NCKAP5: variants seen among roughly 807,000 people sequenced by gnomAD.
The protein encoded by NCKAP5 is nck-associated protein 5.
Under a neutral mutation model 167.0 loss-of-function variants are expected in NCKAP5, and 92 were observed. That is an observed-to-expected ratio of 0.55 (90% CI 0.47 to 0.66). The LOEUF is 0.66. NCKAP5 is among the 30% of genes least tolerant of loss of function. The pLI is 0.00. For missense variants in NCKAP5, 2,378 were observed against 2,315.0 expected (o/e 1.03, Z -0.56); for synonymous variants, 891 against 877.4 (o/e 1.02, Z -0.27).
chr2:133,244,894 T>C (rs2087899306), intron 4 of NCKAP5, among the ~76,000 whole-genome samples: 1 of 152,210 alleles, frequency 6.6e-6, no homozygotes, highest in South Asian at 2.1e-4. Flanking sequence ...CATATCTTGA[T>C]GACTTTGGAA....
chr2:132,679,313 A>T (rs1306480273), intron 19 of NCKAP5, among the ~76,000 whole-genome samples: 1 of 152,174 alleles, frequency 6.6e-6, no homozygotes, highest in Non-Finnish European at 1.5e-5. Flanking sequence ...AGGAAGAGCA[A>T]GAAGTTCCCT....
chr2:132,747,177 A>C (rs915377320), intron 16 of NCKAP5, among the ~76,000 whole-genome samples: 1 of 151,970 alleles, frequency 6.6e-6, no homozygotes, highest in Admixed American at 6.6e-5. Context: ...CTGCCAAAAA[A>C]AAAAAACAAA....
At chr2:133,162,999 A>T (rs2083859744) in intron 5 of NCKAP5, among the ~76,000 whole-genome samples, 1 of 152,206 alleles carries the variant, frequency 6.6e-6, no homozygotes, top group African/African-American at 2.4e-5. Flanking sequence ...TATAAAAGAG[A>T]ACTGCCCAAG....
chr2:133,058,182 A>C (rs527909746), intron 6 of NCKAP5, among the ~76,000 whole-genome samples: 1 of 152,350 alleles, frequency 6.6e-6, no homozygotes, highest in South Asian at 2.1e-4. Flanking sequence ...TAGGTCACCC[A>C]AGAGCCCTGA....
chr2:133,060,998 C>T (rs763491954), intron 6 of NCKAP5, among the ~76,000 whole-genome samples: 1 of 151,758 alleles, frequency 6.6e-6, no homozygotes, highest in Non-Finnish European at 1.5e-5. Context: ...AGAAAAAGCA[C>T]ATCCAGAATG....
chr2:133,124,112 T>A (rs1251328733), intron 6 of NCKAP5, among the ~76,000 whole-genome samples: 1 of 152,070 alleles, frequency 6.6e-6, no homozygotes, highest in Admixed American at 6.5e-5. Context: ...CCCATTACAG[T>A]AAGTAAAGAA....
intron 13 of NCKAP5, 118 bp downstream of exon 13, chr2:132,789,905 A>G (rs1262195544): frequency 4.7e-6 from 4 of 845,288 alleles, no homozygotes; most frequent in Non-Finnish European, 7.3e-6. Flanking sequence ...ATACATGAGC[A>G]GGTGCTCAGC....
intron 11 of NCKAP5, among the ~76,000 whole-genome samples, chr2:132,840,221 G>A (rs1688201356): frequency 6.6e-6 from 1 of 150,900 alleles, no homozygotes; most frequent in South Asian, 2.1e-4. Context: ...TGCAATTGCA[G>A]TAAAAAGATT....
At chr2:132,750,475 A>G (rs1680019309) in intron 16 of NCKAP5, among the ~76,000 whole-genome samples, 1 of 152,210 alleles carries the variant, frequency 6.6e-6, no homozygotes, top group Non-Finnish European at 1.5e-5. Context: ...GAAAGAGATG[A>G]AAAGGCATTG....
chr2:133,306,219 G>A lies in NCKAP5; in HGVS notation c.70-3109C>T, dbSNP rs115664259. Among the ~76,000 whole-genome samples the A allele has an allele frequency of 1.9e-3, 291 of 152,346 alleles. 1 individual carries two copies. The highest frequency in any genetic ancestry group is 6.6e-3 in the African/African-American group (276 of 41,584). On this transcript the variant is annotated intron_variant, in intron 3 of 19. Transcript: ENST00000409261. ...GTAAAATGCTATTGGCACAGTGGCT[G>A]CAAGAGCTTTGGGAGCAAGTACATA... is the stretch of plus-strand genomic sequence containing the variant.
chr2:133,461,740 G>C (rs1328878582), intron 3 of NCKAP5, among the ~76,000 whole-genome samples: 1 of 152,194 alleles, frequency 6.6e-6, no homozygotes, highest in Non-Finnish European at 1.5e-5. Context: ...ATTGCAAAGA[G>C]AACTGAGAAA....
chr2:133,349,277 G>A (rs755175720), intron 3 of NCKAP5, among the ~76,000 whole-genome samples: 7 of 152,164 alleles, frequency 4.6e-5, no homozygotes, highest in Admixed American at 1.3e-4. Context: ...TACCCTGGCT[G>A]CCCTAGGAAG....
At chr2:133,366,322 A>G (rs1181869385) in intron 3 of NCKAP5, among the ~76,000 whole-genome samples, 1 of 152,108 alleles carries the variant, frequency 6.6e-6, no homozygotes, top group African/African-American at 2.4e-5. Flanking sequence ...GTTGTTGTTA[A>G]GACAGAGTCT....
chr2:132,674,291 T>G (rs1302458825), intron 19 of NCKAP5, among the ~76,000 whole-genome samples: 1 of 152,128 alleles, frequency 6.6e-6, no homozygotes, highest in African/African-American at 2.4e-5. Context: ...ATCAGCTTTT[T>G]CACAAACCTA....
At chr2:133,431,449 G>C (rs1412525338) in intron 3 of NCKAP5, among the ~76,000 whole-genome samples, 1 of 152,118 alleles carries the variant, frequency 6.6e-6, no homozygotes, top group Non-Finnish European at 1.5e-5. Context: ...CGTTTCCAAG[G>C]TATACAGCTT....
intron 6 of NCKAP5, among the ~76,000 whole-genome samples, chr2:133,061,013 C>T (rs921581870): frequency 1.3e-5 from 2 of 151,308 alleles, no homozygotes; most frequent in African/African-American, 4.9e-5. Flanking sequence ...AGAATGACCA[C>T]TAAAAAGAGA....
At chr2:132,804,516 C>T (rs528356245) in intron 11 of NCKAP5, among the ~76,000 whole-genome samples, 2 of 152,224 alleles carry the variant, frequency 1.3e-5, no homozygotes, top group East Asian at 1.9e-4. Flanking sequence ...TGGGGGAACA[C>T]ATTTTTTCCC....
At chr2:132,873,287 G>A (rs1410092687) in intron 9 of NCKAP5, among the ~76,000 whole-genome samples, 1 of 151,882 alleles carries the variant, frequency 6.6e-6, no homozygotes, top group Non-Finnish European at 1.5e-5. Context: ...TTATTTTTTT[G>A]TATTTTTAGT....
chr2:133,645,994 T>C, the NCKAP5 span, among the ~76,000 whole-genome samples: 1 of 151,530 alleles, frequency 6.6e-6, no homozygotes, highest in Non-Finnish European at 1.5e-5. Flanking sequence ...ACAGAATGGA[T>C]GTAGGGAGGG....
Sources: gnomAD v4.1 joint callset for allele counts (sites outside exome capture counted in the v4.1 genomes callset) on GRCh38, gnomAD v4.1.1 for gene constraint, MANE v1.5 for transcripts, NCBI Gene and HGNC (gene_info 2026-07-23, HGNC 2026-07-21) for gene names.